PSMB1: variants seen among roughly 807,000 people sequenced by gnomAD.
PSMB1 encodes proteasome subunit beta type-1.
In PSMB1, 7 loss-of-function variants were observed where a neutral mutation model predicts 25.4. The ratio of observed to expected loss-of-function variants is 0.28; its 90% CI spans 0.16 to 0.52. The LOEUF (loss-of-function observed/expected upper bound fraction) is 0.52. Ranked by LOEUF, PSMB1 falls within the 20% of genes least tolerant of loss-of-function variation. PSMB1 has a pLI of 0.97. For missense variants in PSMB1, 284 were observed against 302.2 expected (o/e 0.94, Z 0.45); for synonymous variants, 119 against 115.0 (o/e 1.03, Z -0.22).
chr6:170,537,371 G>A, intron 4 of PSMB1, 31 bp from the exon 5 acceptor site: 2 of 1,512,074 alleles, frequency 1.3e-6, no homozygotes, highest in Non-Finnish European at 9.2e-7. Context: ...TCATAAGGAT[G>A]GTATCCAATC....
At position 170,550,911 on chromosome 6, in the gene PSMB1, G is replaced by C. The variant is rs1016098970; in HGVS notation, c.114-1798C>G. Among the ~76,000 whole-genome samples, 78 of 148,786 alleles carry C rather than the reference G, an allele frequency of 5.2e-4. 2 individuals are homozygous for C. Among genetic ancestry groups the C allele is most frequent in the East Asian group, 1.6e-3 (8 of 4,994 alleles). ...CAACACTTTGGGAGGCTGAGGGGGG[G>C]GGGGGGGGTCAATTGCCTGAGATCA... is the stretch of plus-strand genomic sequence containing the variant. On this transcript the variant is annotated intron_variant, in intron 1 of 5. Coordinates refer to ENST00000262193, the MANE Select transcript of PSMB1 (RefSeq NM_002793.4).
intron 4 of PSMB1, among the ~76,000 whole-genome samples, chr6:170,538,676 G>A (rs1167389038): frequency 6.6e-6 from 1 of 152,150 alleles, no homozygotes; most frequent in African/African-American, 2.4e-5. Flanking sequence ...TCCAGCCTGG[G>A]CAACAGAGCG....
In PSMB1 at chr6:170,546,163, T is replaced by C. The variant is rs770019520; in HGVS notation, c.243A>G (p.Gly81=). The C allele has an allele frequency of 1.2e-6, 2 of 1,613,946 alleles. No individual in the cohort carries two copies. The highest frequency in any genetic ancestry group is 2.2e-5 in the South Asian group (2 of 91,062). The part of the protein sequence containing the change: ...CYKLTDKTVI[G]CSGFHGDCLT... ...GACAGTCTCCATGAAAACCGCTGCA[T>C]CCAATGACTGTTTTGTCTGTTCTGT... Residue 81 remains glycine (G), a synonymous_variant, in exon 3 of 6, where the codon GGA becomes GGG. Coordinates refer to ENST00000262193, the MANE Select transcript of PSMB1 (RefSeq NM_002793.4).
intron 2 of PSMB1, among the ~76,000 whole-genome samples, chr6:170,548,646 T>C (rs1374298582): frequency 6.6e-6 from 1 of 152,182 alleles, no homozygotes; most frequent in Non-Finnish European, 1.5e-5. Context: ...ACCAGGTGTT[T>C]AGGTCCTAGG....
rs189985904 is a variant in PSMB1, at chr6:170,537,447, G to A, written c.434-107C>T. On this transcript the variant is annotated intron_variant, in intron 4 of 5. Coordinates refer to ENST00000262193, the MANE Select transcript of PSMB1 (RefSeq NM_002793.4). ...TGACACAAAACGGACTATCACCTTG[G>A]CTAAAACTTCAGGGAACAGTTGGAA... The A allele has an allele frequency of 8.0e-5, 66 of 829,144 alleles. No individual in the cohort carries two copies. The African/African-American group carries it at 9.3e-4, about 12-fold the overall frequency. 51.4% of individuals were successfully genotyped at this position (829,144 alleles called of 1,614,324 possible).
intron 1 of PSMB1, 150 bp from the exon 2 acceptor site, chr6:170,549,263 G>C: frequency 2.0e-6 from 1 of 497,460 alleles, no homozygotes; most frequent in South Asian, 3.7e-5. Flanking sequence ...AGCGGGAAGA[G>C]AATGAACGCC....
At chr6:170,552,973 G>A (rs114299458) in intron 1 of PSMB1, among the ~76,000 whole-genome samples, 157 bp downstream of exon 1, 2 of 152,362 alleles carry the variant, frequency 1.3e-5, no homozygotes, top group African/African-American at 4.8e-5. Flanking sequence ...GGCATGAGAG[G>A]ACGGCAGGGA....
chr6:170,552,591 A>T (rs150942579), intron 1 of PSMB1, among the ~76,000 whole-genome samples: 5 of 152,346 alleles, frequency 3.3e-5, no homozygotes, highest in Non-Finnish European at 7.3e-5. Flanking sequence ...AATAAAACAA[A>T]ATGATTAAAC....
intron 2 of PSMB1, among the ~76,000 whole-genome samples, chr6:170,548,080 G>C (rs1778843950): frequency 6.6e-6 from 1 of 152,164 alleles, no homozygotes; most frequent in Non-Finnish European, 1.5e-5. Context: ...TAAACAGAAA[G>C]CAGAAAGGGG....
chr6:170,552,941 G>C (rs12210583), intron 1 of PSMB1, among the ~76,000 whole-genome samples, 189 bp downstream of exon 1: 1 of 152,208 alleles, frequency 6.6e-6, no homozygotes, highest in African/African-American at 2.4e-5. Flanking sequence ...TGAGCAAAGC[G>C]AGCCTGAAGA....
chr6:170,537,510 A>G (rs187155464), intron 4 of PSMB1, among the ~76,000 whole-genome samples, 170 bp from the exon 5 acceptor site: 26 of 152,278 alleles, frequency 1.7e-4, no homozygotes, highest in African/African-American at 6.0e-4. Flanking sequence ...TGCAGCACAC[A>G]CACTGTTGCA....
chr6:170,549,312 G>C, intron 1 of PSMB1, 199 bp from the exon 2 acceptor site: 1 of 499,784 alleles, frequency 2.0e-6, no homozygotes, highest in Admixed American at 3.6e-5. Context: ...TTATTAATAA[G>C]CCTAAATCAG....
intron 1 of PSMB1, 176 bp from the exon 2 acceptor site, chr6:170,549,289 T>TG (rs1324910850): frequency 2.0e-6 from 1 of 503,114 alleles, no homozygotes; most frequent in African/African-American, 1.9e-5. Context: ...ACGAGTTGTC[T>TG]GGGAAAAAAA....
intron 4 of PSMB1, among the ~76,000 whole-genome samples, chr6:170,538,297 A>G (rs992620232): frequency 1.7e-4 from 26 of 152,204 alleles, no homozygotes; most frequent in Non-Finnish European, 2.8e-4. Context: ...GATTTAGAAA[A>G]CACATTATAT....
chr6:170,549,031 G>A lies in PSMB1; in HGVS notation c.196C>T (p.Arg66Trp), dbSNP rs777360881. The change falls in exon 2 of 6, where the codon CGG becomes TGG. Residue 66 changes from arginine (R) to tryptophan (W), a missense_variant. Arg to Trp is a moderately radical substitution (Grantham distance 101, BLOSUM62 -3). Coordinates refer to ENST00000262193, the MANE Select transcript of PSMB1 (RefSeq NM_002793.4). The part of the protein sequence containing the change: ...RLSEGFSIHT[R>W]DSPKCYKLTD... ...AATTTGTAACATTTGGGGCTATCCC[G>A]CGTATGAATTGAAAACCCTTCACTC... 6 of 1,611,816 alleles carry A rather than the reference G, an allele frequency of 3.7e-6. No individual in the cohort carries two copies. Among genetic ancestry groups the A allele is most frequent in the Non-Finnish European group, 3.4e-6 (4 of 1,178,130 alleles).
At chr6:170,535,476 C>A in intron 5 of PSMB1, 71 bp from the exon 6 acceptor site, 1 of 1,292,016 alleles carries the variant, frequency 7.7e-7, no homozygotes, top group Admixed American at 2.1e-5. Context: ...AAGTTTCTTC[C>A]AATACCCTCA....
In PSMB1 at chr6:170,537,227, T is replaced by A; in HGVS notation, c.540+7A>T. 1 of 1,607,298 alleles carries A rather than the reference T, an allele frequency of 6.2e-7. No individual in the cohort carries two copies. Among genetic ancestry groups the A allele is most frequent in the South Asian group, 1.1e-5 (1 of 90,770 alleles). On this transcript the variant is annotated splice_region_variant and intron_variant, in intron 5 of 5. Transcript: ENST00000262193. ...ATAGTATCATTACCTGGACACAGTA[T>A]CATTACCTGGTTGTCAAGCAGGGGC... is the stretch of plus-strand genomic sequence containing the variant.
Position 170,551,010 on chromosome 6 carries a change from T to G in PSMB1, c.114-1897A>C, listed in dbSNP as rs151280941. On this transcript the variant is annotated intron_variant, in intron 1 of 5. Coordinates refer to ENST00000262193, the MANE Select transcript of PSMB1 (RefSeq NM_002793.4). The stretch of plus-strand genomic sequence containing the variant: ...AAATACAAAAATTAGCCAGGCGTGG[T>G]GGCAGGCACCTGTAATCCCAGCTAC... 5.9e-3 allele frequency among the ~76,000 whole-genome samples: 887 copies of G among 149,808 alleles called. 9 individuals carry two copies. The highest frequency in any genetic ancestry group is 0.011 in the Non-Finnish European group (724 of 67,682).
intron 4 of PSMB1, among the ~76,000 whole-genome samples, chr6:170,538,484 A>T (rs531247509): frequency 6.6e-6 from 1 of 152,268 alleles, no homozygotes; most frequent in Admixed American, 6.5e-5. Context: ...GCCGATCACG[A>T]GGTCAGGAGT....
Sources: gnomAD v4.1 joint callset for allele counts (sites outside exome capture counted in the v4.1 genomes callset) on GRCh38, gnomAD v4.1.1 for gene constraint, MANE v1.5 for transcripts, NCBI Gene and HGNC (gene_info 2026-07-23, HGNC 2026-07-21) for gene names.